Variants in RB1 observed in about 807,000 individuals in gnomAD.
The protein encoded by RB1 is retinoblastoma-associated protein.
A neutral mutation model predicts 135.4 loss-of-function variants in RB1; 18 were observed. The observed-to-expected ratio is 0.13, with a 90% CI of 0.09 to 0.20. The LOEUF (loss-of-function observed/expected upper bound fraction) is 0.20. Among genes scored for constraint, RB1 ranks in the 10% least tolerant of loss-of-function variants. The probability of loss-of-function intolerance (pLI) is 1.00; values close to 1 mark genes in which losing one functional copy is unlikely to be tolerated. For missense variants in RB1, 868 were observed against 1,110.0 expected (o/e 0.78, Z 3.10); for synonymous variants, 365 against 373.2 (o/e 0.98, Z 0.25).
intron 24 of RB1, 47 bp from the exon 25 acceptor site, chr13:48,476,654 A>AAC: frequency 6.3e-7 from 1 of 1,589,416 alleles, no homozygotes; most frequent in Non-Finnish European, 8.6e-7. Flanking sequence ...CTAACTATGA[A>AAC]ACACTGGCAT....
intron 17 of RB1, chr13:48,412,720 C>T (rs965165753): frequency 9.5e-5 from 42 of 443,522 alleles, no homozygotes; most frequent in South Asian, 1.8e-4. Context: ...ATACAGTCAA[C>T]GAGTCCAACC....
Position 48,303,937 on chromosome 13 carries a change from A to C in RB1, c.25A>C (p.Thr9Pro), listed in dbSNP as rs2138027109. 3 of 1,508,908 alleles carry C rather than the reference A, an allele frequency of 2.0e-6. No homozygotes were observed. Among genetic ancestry groups the C allele is most frequent in the Non-Finnish European group, 2.6e-6 (3 of 1,136,238 alleles). 93.5% of individuals were successfully genotyped at this position (1,508,908 alleles called of 1,614,324 possible). MPPKTPRK[T>P]AATAAAAAAE... ...CATGCCGCCCAAAACCCCCCGAAAA[A>C]CGGCCGCCACCGCCGCCGCTGCCGC... Residue 9 changes from threonine (T) to proline (P), a missense_variant, in exon 1 of 27, where the codon ACG becomes CCG. Physicochemically the swap from Thr to Pro is conservative, Grantham distance 38. Around this residue, in one of 3 missense-constraint regions of RB1, gnomAD observed 641 missense variants for 791.3 expected, o/e 0.81. Transcript: ENST00000267163.
chr13:48,364,041 G>A (rs367792866), intron 8 of RB1, among the ~76,000 whole-genome samples: 11 of 152,230 alleles, frequency 7.2e-5, no homozygotes, highest in African/African-American at 2.6e-4. Context: ...AGTTTAAGAA[G>A]TATTAGAATG....
intron 17 of RB1, among the ~76,000 whole-genome samples, chr13:48,424,904 G>C (rs1566220609): frequency 6.6e-6 from 1 of 151,586 alleles, no homozygotes; most frequent in Non-Finnish European, 1.5e-5. Context: ...AATACAAAAT[G>C]TTATCCAGGT....
chr13:48,476,940 T>C, intron 25 of RB1, 97 bp downstream of exon 25: 1 of 1,476,522 alleles, frequency 6.8e-7, no homozygotes, highest in Non-Finnish European at 9.4e-7. Flanking sequence ...ATTTCTTTCA[T>C]GCCAAGTTTA....
intron 20 of RB1, among the ~76,000 whole-genome samples, chr13:48,460,123 C>T (rs191253065): frequency 1.3e-5 from 2 of 151,480 alleles, no homozygotes; most frequent in African/African-American, 4.9e-5. Flanking sequence ...GCGTGTACCA[C>T]CACACCTTGT....
At chr13:48,320,949 C>T (rs1265544697) in intron 2 of RB1, among the ~76,000 whole-genome samples, 1 of 152,206 alleles carries the variant, frequency 6.6e-6, no homozygotes, top group Admixed American at 6.5e-5. Flanking sequence ...CGACGTTACG[C>T]ATAGATTTAT....
intron 13 of RB1, among the ~76,000 whole-genome samples, chr13:48,378,438 C>T (rs1018782558): frequency 4.6e-5 from 7 of 152,212 alleles, no homozygotes; most frequent in Non-Finnish European, 8.8e-5. Flanking sequence ...TCAGGATTAA[C>T]AATACCACTG....
At chr13:48,329,946 A>T (rs1952318642) in intron 2 of RB1, among the ~76,000 whole-genome samples, 1 of 152,148 alleles carries the variant, frequency 6.6e-6, no homozygotes, top group Non-Finnish European at 1.5e-5. Context: ...ACAAGTATTA[A>T]TATATTTAAG....
chr13:48,383,098 T>C (rs1412407603), intron 17 of RB1, among the ~76,000 whole-genome samples: 2 of 152,196 alleles, frequency 1.3e-5, no homozygotes, highest in Non-Finnish European at 1.5e-5. Flanking sequence ...AGTTGTTATA[T>C]ATTTGAAAAT....
intron 2 of RB1, among the ~76,000 whole-genome samples, chr13:48,323,049 T>C (rs954686168): frequency 6.6e-5 from 10 of 152,108 alleles, no homozygotes; most frequent in Admixed American, 5.2e-4. Flanking sequence ...GACTGGGAAG[T>C]GTTCCCTCCT....
At chr13:48,449,063 T>C (rs1486311519) in intron 17 of RB1, among the ~76,000 whole-genome samples, 1 of 152,230 alleles carries the variant, frequency 6.6e-6, no homozygotes, top group Non-Finnish European at 1.5e-5. Context: ...ATGTATTGCT[T>C]AGGCATGAGT....
chr13:48,446,826 A>G (rs1210865566), intron 17 of RB1, among the ~76,000 whole-genome samples: 1 of 151,976 alleles, frequency 6.6e-6, no homozygotes, highest in Non-Finnish European at 1.5e-5. Context: ...AAGGGGCCAG[A>G]ACTCATGTAG....
At chr13:48,336,183 GA>G (rs1880783966) in intron 2 of RB1, among the ~76,000 whole-genome samples, 1 of 152,140 alleles carries the variant, frequency 6.6e-6, no homozygotes. Context: ...TTGGTATCAG[GA>G]TGATTTTGGC....
chr13:48,345,691 A>T (rs4151464), intron 4 of RB1, among the ~76,000 whole-genome samples: 1 of 152,162 alleles, frequency 6.6e-6, no homozygotes, highest in Non-Finnish European at 1.5e-5. Context: ...AGTTTTTTCT[A>T]TACTTTTCAT....
At chr13:48,338,974 G>T (rs895589262) in intron 2 of RB1, among the ~76,000 whole-genome samples, 10 of 152,308 alleles carry the variant, frequency 6.6e-5, no homozygotes, top group African/African-American at 1.9e-4. Flanking sequence ...AGCAGTGGAG[G>T]CTGCAGAACA....
intron 14 of RB1, among the ~76,000 whole-genome samples, 192 bp downstream of exon 14, chr13:48,379,842 C>T (rs1481765010): frequency 6.9e-6 from 1 of 143,984 alleles, no homozygotes; most frequent in Non-Finnish European, 1.5e-5. Flanking sequence ...GACCTGTAGT[C>T]CCAGCTACTT....
At chr13:48,438,999 G>A (rs902091701) in intron 17 of RB1, among the ~76,000 whole-genome samples, 3 of 152,126 alleles carry the variant, frequency 2.0e-5, no homozygotes, top group Non-Finnish European at 4.4e-5. Flanking sequence ...GTGGCCAGTG[G>A]AACTAATTGT....
rs768155412 is a variant in RB1 at position 48,481,611 on chromosome 13, A to C, written c.*1540A>C. On this transcript the variant is annotated 3_prime_UTR_variant, in exon 27 of 27. Transcript: ENST00000267163. The stretch of plus-strand genomic sequence containing the variant: ...ACACTAGAAAACTTGACTCCATTTC[A>C]TCATTGTTTCTGCATGAATATCATA... 4.3e-6 allele frequency: 1 copy of C among 230,970 alleles called. No homozygotes were observed. Among genetic ancestry groups the C allele is most frequent in the African/African-American group, 2.2e-5 (1 of 45,208 alleles). 14.3% of individuals were successfully genotyped at this position (230,970 alleles called of 1,614,324 possible).
Sources: gnomAD v4.1 joint callset for allele counts (sites outside exome capture counted in the v4.1 genomes callset) on GRCh38, gnomAD v4.1.1 for gene constraint, gnomAD v4.1.1 regional missense constraint, MANE v1.5 for transcripts, NCBI Gene and HGNC (gene_info 2026-07-23, HGNC 2026-07-21) for gene names.